The following RIN2 variants were observed in gnomAD, a reference collection of about 807,000 sequenced individuals.
RIN2 encodes Ras and Rab interactor 2.
In RIN2, 36 loss-of-function variants were observed where a neutral mutation model predicts 78.0. The ratio of observed to expected loss-of-function variants is 0.46; its 90% CI spans 0.35 to 0.61. RIN2 has a LOEUF of 0.61. RIN2 is among the 20% of genes least tolerant of loss of function. RIN2 has a pLI of 0.00. For missense variants in RIN2, 1,087 were observed against 1,159.7 expected (o/e 0.94, Z 0.91); for synonymous variants, 466 against 466.8 (o/e 1.00, Z 0.02).
chr20:19,985,670 G>A (rs961224938), intron 9 of RIN2, among the ~76,000 whole-genome samples: 3 of 152,146 alleles, frequency 2.0e-5, no homozygotes, highest in Admixed American at 6.5e-5. Flanking sequence ...CCAGGAGTTC[G>A]AGGCCAACCT....
intron 1 of RIN2, among the ~76,000 whole-genome samples, chr20:19,792,023 G>A (rs1433630932): frequency 6.6e-6 from 1 of 152,164 alleles, no homozygotes. Context: ...TTCCATGGTT[G>A]GGGGAAGAGG....
intron 2 of RIN2, among the ~76,000 whole-genome samples, chr20:19,888,335 G>T (rs2038287955): frequency 6.6e-6 from 1 of 152,162 alleles, no homozygotes; most frequent in Admixed American, 6.5e-5. Flanking sequence ...AAACCTTTGT[G>T]CAAAGATCCT....
chr20:19,830,404 G>C (rs774544409), intron 2 of RIN2, among the ~76,000 whole-genome samples: 2 of 152,080 alleles, frequency 1.3e-5, no homozygotes, highest in African/African-American at 2.4e-5. Flanking sequence ...GTGCAGTTTG[G>C]TGAAGACCCC....
intron 4 of RIN2, among the ~76,000 whole-genome samples, chr20:19,950,884 CT>C (rs775991586): frequency 0.011 from 1,297 of 116,442 alleles, 17 homozygotes; most frequent in African/African-American, 0.033. Flanking sequence ...CCTGGCTAAC[CT>C]TTTTTTTTTT....
chr20:19,778,039 G>A (rs2034372532), intron 1 of RIN2, among the ~76,000 whole-genome samples: 1 of 152,194 alleles, frequency 6.6e-6, no homozygotes, highest in Non-Finnish European at 1.5e-5. Flanking sequence ...GCCTTTGTTT[G>A]GAGTCCACCT....
intron 4 of RIN2, among the ~76,000 whole-genome samples, chr20:19,952,388 A>G (rs1015028262): frequency 6.6e-6 from 1 of 152,138 alleles, no homozygotes; most frequent in Non-Finnish European, 1.5e-5. Flanking sequence ...CTACATGTTC[A>G]ATGTTCTCAC....
rs555824795 is a variant in RIN2 at position 19,793,241 on chromosome 20, T to C, written c.-162-6381T>C. 2.0e-4 allele frequency among the ~76,000 whole-genome samples: 30 copies of C among 152,286 alleles called. No homozygotes were observed. In the East Asian group the frequency reaches 5.8e-3, roughly 29 times the overall value. On this transcript the variant is annotated intron_variant, in intron 1 of 12. Transcript: ENST00000255006. ...TTTCAACATATGATCAATATGAAAA[T>C]TTATTACTGAAGCATTTAAAATTTT...
chr20:19,880,822 T>C (rs1225537965), intron 2 of RIN2, among the ~76,000 whole-genome samples: 1 of 152,134 alleles, frequency 6.6e-6, no homozygotes, highest in African/African-American at 2.4e-5. Flanking sequence ...GCAGATGAGA[T>C]CTCTAATGTC....
chr20:19,858,972 G>C (rs1410307611), intron 2 of RIN2, among the ~76,000 whole-genome samples: 1 of 152,228 alleles, frequency 6.6e-6, no homozygotes, highest in African/African-American at 2.4e-5. Context: ...ATTTCTTAAA[G>C]TAGCTTCAGA....
intron 2 of RIN2, chr20:19,823,388 CT>C (rs879159405): frequency 0.086 from 26,803 of 311,334 alleles, 7 homozygotes; most frequent in South Asian, 0.093. Context: ...GCTCTGCCTG[CT>C]TTTTTTTTTT....
At chr20:19,974,588 A>G (rs2042207544) in intron 8 of RIN2, 66 bp from the exon 9 acceptor site, 1 of 1,509,532 alleles carries the variant, frequency 6.6e-7, no homozygotes, top group Non-Finnish European at 9.0e-7. Flanking sequence ...GCTTTTTTTA[A>G]TTTGTGAAGG....
At chr20:19,910,507 CT>C (rs1231662922) in intron 3 of RIN2, among the ~76,000 whole-genome samples, 1 of 147,938 alleles carries the variant, frequency 6.8e-6, no homozygotes. Context: ...TTTTCTTCTT[CT>C]TTTTTTTAAT....
intron 2 of RIN2, among the ~76,000 whole-genome samples, chr20:19,811,449 C>T (rs1024281905): frequency 6.6e-6 from 1 of 152,080 alleles, no homozygotes; most frequent in Non-Finnish European, 1.5e-5. Flanking sequence ...CAAGTATGCT[C>T]CTGTCACCAG....
At chr20:19,926,375 T>C (rs1220103823) in intron 3 of RIN2, among the ~76,000 whole-genome samples, 1 of 152,128 alleles carries the variant, frequency 6.6e-6, no homozygotes, top group Non-Finnish European at 1.5e-5. Context: ...AAGGTGTGCT[T>C]GCATCATTGT....
Position 19,887,082 on chromosome 20 carries a change from G to A in RIN2, c.-36-2484G>A, listed in dbSNP as rs73277492. ...ACTCTGTCGCTCAGGCCAAAGTGCA[G>A]TGGTGCGATCATGGCTCACTGCAGC... is the stretch of plus-strand genomic sequence containing the variant. On this transcript the variant is annotated intron_variant, in intron 2 of 12. Coordinates refer to ENST00000255006, the MANE Select transcript of RIN2 (RefSeq NM_018993.4). 0.027 allele frequency among the ~76,000 whole-genome samples: 4,153 copies of A among 151,778 alleles called. 178 individuals are homozygous for A. Among genetic ancestry groups the A allele is most frequent in the African/African-American group, 0.092 (3,814 of 41,356 alleles).
At chr20:19,924,966 C>T (rs993703673) in intron 3 of RIN2, among the ~76,000 whole-genome samples, 3 of 150,780 alleles carry the variant, frequency 2.0e-5, no homozygotes, top group African/African-American at 4.9e-5. Flanking sequence ...CTCAAACTCC[C>T]GACCTCAGGT....
chr20:19,923,371 G>T (rs921740815), intron 3 of RIN2, among the ~76,000 whole-genome samples: 7 of 150,946 alleles, frequency 4.6e-5, no homozygotes, highest in African/African-American at 1.7e-4. Flanking sequence ...AGCCGAGATT[G>T]TGCCACTGTA....
At chr20:19,996,291 G>A (rs977323141) in intron 11 of RIN2, among the ~76,000 whole-genome samples, 5 of 152,112 alleles carry the variant, frequency 3.3e-5, no homozygotes, top group African/African-American at 1.2e-4. Flanking sequence ...TCCAGCCTGG[G>A]TGACAAAGCA....
chr20:19,907,340 A>G (rs753028497), intron 3 of RIN2, among the ~76,000 whole-genome samples: 12 of 152,228 alleles, frequency 7.9e-5, no homozygotes, highest in East Asian at 1.9e-4. Context: ...ACACAGCCCA[A>G]TCATAGCCCT....
Sources: allele counts gnomAD v4.1 joint callset (sites outside exome capture counted in the v4.1 genomes callset), GRCh38; gene constraint gnomAD v4.1.1; transcripts MANE v1.5; gene names NCBI Gene and HGNC (gene_info 2026-07-23, HGNC 2026-07-21).